Variants in NVL observed in about 807,000 individuals in gnomAD.
NVL encodes nuclear VCP like, also known as nuclear valosin-containing protein-like.
In NVL, 84 loss-of-function variants were observed where a neutral mutation model predicts 110.2. The ratio of observed to expected loss-of-function variants is 0.76; its 90% CI spans 0.64 to 0.91. NVL has a LOEUF of 0.91. NVL is among the 40% of genes least tolerant of loss of function. NVL has a pLI of 0.00. For synonymous variants in NVL, 354 were observed against 361.1 expected, an observed-to-expected ratio of 0.98 and a Z score of 0.22; for missense variants, 882 against 1,035.9, an observed-to-expected ratio of 0.85 and a Z score of 2.04.
chr1:224,233,292 A>G lies in NVL; in HGVS notation c.2367-3T>C. On this transcript the variant is annotated splice_region_variant and splice_polypyrimidine_tract_variant and intron_variant, in intron 20 of 22. Transcript: ENST00000281701. ...CCAAAGCAGAGAGATCTGCGCCCCT[A>G]CAATAAAATAATAGTTATCTACTTA... 6.3e-7 allele frequency: 1 copy of G among 1,596,714 alleles called. No individual in the cohort carries two copies. Among genetic ancestry groups the G allele is most frequent in the Non-Finnish European group, 8.5e-7 (1 of 1,174,198 alleles).
chr1:224,238,676 G>C (rs1185522370), intron 19 of NVL, among the ~76,000 whole-genome samples: 1 of 152,104 alleles, frequency 6.6e-6, no homozygotes, highest in Non-Finnish European at 1.5e-5. Flanking sequence ...AAACTAAAGG[G>C]TCAGAATGTA....
intron 21 of NVL, chr1:224,232,940 C>T: frequency 3.0e-6 from 1 of 334,452 alleles, no homozygotes; most frequent in Non-Finnish European, 5.4e-6. Context: ...GCAGCCCAGA[C>T]TCATGATGAA....
chr1:224,329,576 G>T (rs181773694), intron 1 of NVL, among the ~76,000 whole-genome samples: 14 of 152,294 alleles, frequency 9.2e-5, no homozygotes, highest in Admixed American at 8.5e-4. Context: ...GCTTTTTACT[G>T]ATGGTCATGA....
At chr1:224,239,386 G>T (rs1660900920) in intron 19 of NVL, among the ~76,000 whole-genome samples, 1 of 152,054 alleles carries the variant, frequency 6.6e-6, no homozygotes, top group South Asian at 2.1e-4. Context: ...GGGGAGGGGG[G>T]CATCAGTGAA....
chr1:224,232,426 G>A (rs1449796485), intron 21 of NVL, among the ~76,000 whole-genome samples: 1 of 152,078 alleles, frequency 6.6e-6, no homozygotes, highest in East Asian at 1.9e-4. Flanking sequence ...ACTCAGGCTG[G>A]AGTGCAGTGG....
rs547169701 is a variant in NVL at position 224,230,597 on chromosome 1, C to T, written c.2526+629G>A. 2.0e-5 allele frequency among the ~76,000 whole-genome samples: 3 copies of T among 151,612 alleles called. No individual in the cohort carries two copies. In the East Asian group the frequency reaches 5.8e-4, roughly 29 times the overall value. Reference sequence around the variant, plus strand: ...CCAGACTGGGTGACAGAGCGAGACTCTGTCTCAAAAAAATAAAAAAAAAAT... The same window carrying T: ...CCAGACTGGGTGACAGAGCGAGACTTTGTCTCAAAAAAATAAAAAAAAAAT... On this transcript the variant is annotated intron_variant, in intron 22 of 22. Transcript: ENST00000281701.
chr1:224,261,399 A>G (rs762627052), intron 18 of NVL, among the ~76,000 whole-genome samples: 2 of 152,198 alleles, frequency 1.3e-5, no homozygotes, highest in Non-Finnish European at 2.9e-5. Context: ...TGAGTAGAAG[A>G]GAAAGTAATA....
At chr1:224,238,402 TGAGAGGACTG>T (rs1660776480) in intron 19 of NVL, among the ~76,000 whole-genome samples, 1 of 152,200 alleles carries the variant, frequency 6.6e-6, no homozygotes, top group Non-Finnish European at 1.5e-5. Flanking sequence ...GCGACCTGGC[TGAGAGGACTG>T]GAGCTGCCGG....
intron 18 of NVL, among the ~76,000 whole-genome samples, chr1:224,265,481 G>GTGA (rs1469616095): frequency 1.3e-5 from 2 of 152,056 alleles, no homozygotes; most frequent in Non-Finnish European, 2.9e-5. Flanking sequence ...TCCAGCCTGG[G>GTGA]CAGTAGACCA....
At chr1:224,230,598 T>C (rs2102688142) in intron 22 of NVL, among the ~76,000 whole-genome samples, 1 of 151,614 alleles carries the variant, frequency 6.6e-6, no homozygotes, top group African/African-American at 2.4e-5. Context: ...AGCGAGACTC[T>C]GTCTCAAAAA....
chr1:224,236,584 T>C lies in NVL; in HGVS notation c.2290-2A>G, dbSNP rs564655887. 2 of 1,611,876 alleles carry C rather than the reference T, an allele frequency of 1.2e-6. No homozygotes were observed. Among genetic ancestry groups the C allele is most frequent in the South Asian group, 2.2e-5 (2 of 91,012 alleles). The stretch of plus-strand genomic sequence containing the variant: ...ATCCAGTGGTGGTTTGGTACCATTC[T>C]AAGTAAGAGAGAAAAATGATTTTTC... On this transcript the variant is annotated splice_acceptor_variant, in intron 19 of 22. Coordinates refer to ENST00000281701, the MANE Select transcript of NVL (RefSeq NM_002533.4). LOFTEE classifies it high-confidence loss of function.
intron 13 of NVL, among the ~76,000 whole-genome samples, chr1:224,288,410 T>G (rs1571957068): frequency 6.6e-6 from 1 of 152,292 alleles, no homozygotes; most frequent in East Asian, 1.9e-4. Flanking sequence ...TGATGGTTTA[T>G]CAACTAAGTA....
chr1:224,231,385 T>G, intron 21 of NVL, 89 bp from the exon 22 acceptor site: 3 of 982,036 alleles, frequency 3.1e-6, no homozygotes, highest in Non-Finnish European at 3.2e-6. Flanking sequence ...TTCAAAACTT[T>G]CAAGGGGTCC....
intron 15 of NVL, 128 bp from the exon 16 acceptor site, chr1:224,281,313 GAGATTTAGA>G: frequency 1.3e-6 from 1 of 768,878 alleles, no homozygotes; most frequent in Non-Finnish European, 2.2e-6. Context: ...GTGTGTGTGT[GAGATTTAGA>G]TGGAGTCTTG....
At chr1:224,230,859 C>T (rs377719961) in intron 22 of NVL, among the ~76,000 whole-genome samples, 34 of 152,046 alleles carry the variant, frequency 2.2e-4, no homozygotes, top group African/African-American at 6.8e-4. Context: ...TTCAGCCGGG[C>T]GCGGTGGCTC....
rs781777144 is a variant in NVL, at chr1:224,311,809, T to C, written c.333A>G (p.Pro111=). Residue 111 remains proline (P), a synonymous_variant, in exon 5 of 23, where the codon CCA becomes CCG. Transcript: ENST00000281701. ...TAAATGTTTGGCTTACCTGTGGATCTGGGTAGTCTTCCATACTTGAATCAT... is the reference window on the plus strand; with the variant it reads ...TAAATGTTTGGCTTACCTGTGGATCCGGGTAGTCTTCCATACTTGAATCAT... ...SDDDSSMEDY[P]DPQSANHMNS... is the part of the protein sequence containing the mutation. The C allele has an allele frequency of 1.1e-5, 17 of 1,613,330 alleles. No homozygotes were observed. The South Asian group carries it at 1.8e-4, about 17-fold the overall frequency.
At chr1:224,267,340 T>C (rs1310798103) in intron 18 of NVL, among the ~76,000 whole-genome samples, 2 of 152,184 alleles carry the variant, frequency 1.3e-5, no homozygotes, top group Non-Finnish European at 1.5e-5. Context: ...TTTTGTTTCC[T>C]ATAAGCTAGA....
chr1:224,293,842 C>T (rs1456797318), intron 12 of NVL, among the ~76,000 whole-genome samples: 1 of 152,180 alleles, frequency 6.6e-6, no homozygotes, highest in African/African-American at 2.4e-5. Flanking sequence ...GAGGTGGGGC[C>T]TCCCTCTGTC....
Position 224,275,394 on chromosome 1 carries a change from C to T in NVL, c.2027G>A (p.Cys676Tyr). The change falls in exon 17 of 23, where the codon TGT (cysteine) becomes TAT (tyrosine). Residue 676 changes from cysteine (C) to tyrosine (Y), a missense_variant. By Grantham distance (194) the Cys-to-Tyr change is radical. Transcript: ENST00000281701. The part of the protein sequence containing the change: ...VFQRAKNSAP[C>Y]VIFFDEVDAL... ...ATCCACTTCATCAAAGAATATCACA[C>T]AGGGTGCTGAGTTCTTGGCTCGTTG... The T allele has an allele frequency of 1.2e-6, 2 of 1,614,164 alleles. No individual in the cohort carries two copies. Among genetic ancestry groups the T allele is most frequent in the Non-Finnish European group, 8.5e-7 (1 of 1,180,026 alleles).
Sources: gnomAD v4.1 joint callset for allele counts (sites outside exome capture counted in the v4.1 genomes callset) on GRCh38, gnomAD v4.1.1 for gene constraint, MANE v1.5 for transcripts, NCBI Gene and HGNC (gene_info 2026-07-23, HGNC 2026-07-21) for gene names.